AVL9: variants seen among roughly 807,000 people sequenced by gnomAD.
The protein encoded by AVL9 is AVL9 cell migration associated.
A neutral mutation model predicts 79.2 loss-of-function variants in AVL9; 49 were observed. The observed-to-expected ratio is 0.62, with a 90% CI of 0.49 to 0.79. The LOEUF is 0.79. AVL9 is among the 30% of genes least tolerant of loss of function. AVL9 has a pLI of 0.00. For missense variants in AVL9, 682 were observed against 776.8 expected (o/e 0.88, Z 1.45); for synonymous variants, 299 against 280.6 (o/e 1.07, Z -0.65).
intron 1 of AVL9, among the ~76,000 whole-genome samples, chr7:32,516,352 G>C (rs74902075): frequency 9.1e-6 from 1 of 109,992 alleles, no homozygotes; most frequent in African/African-American, 3.2e-5. Context: ...GCATTCTACA[G>C]AGTCTTCTCC....
chr7:32,547,477 C>A (rs892198507), intron 3 of AVL9, among the ~76,000 whole-genome samples: 6 of 152,092 alleles, frequency 3.9e-5, no homozygotes, highest in African/African-American at 1.4e-4. Flanking sequence ...CTTTTATTAC[C>A]CGTATGTCAT....
chr7:32,543,127 C>T lies in AVL9; in HGVS notation c.94-14C>T. On this transcript the variant is annotated splice_polypyrimidine_tract_variant and intron_variant, in intron 1 of 15. Transcript: ENST00000318709. ...GGTCAACCACCTTTTGGCTAACATTCCTTACTATTTTAGGTTGAATTCTCT... is the reference window on the plus strand; with the variant it reads ...GGTCAACCACCTTTTGGCTAACATTTCTTACTATTTTAGGTTGAATTCTCT... The T allele has an allele frequency of 6.2e-7, 1 of 1,612,788 alleles. No homozygotes were observed. Among genetic ancestry groups the T allele is most frequent in the Non-Finnish European group, 8.5e-7 (1 of 1,179,666 alleles).
At chr7:32,564,798 G>A (rs1206917579) in intron 10 of AVL9, among the ~76,000 whole-genome samples, 1 of 152,202 alleles carries the variant, frequency 6.6e-6, no homozygotes, top group East Asian at 1.9e-4. Flanking sequence ...GCTAGAGGCA[G>A]CTGTGGGGTA....
In AVL9 at chr7:32,495,820, C is replaced by A. The variant is rs1187188119; in HGVS notation, c.93+18C>A. 2.4e-6 allele frequency: 3 copies of A among 1,253,296 alleles called. No homozygotes were observed. Among genetic ancestry groups the A allele is most frequent in the Non-Finnish European group, 2.0e-6 (2 of 988,872 alleles). The allele number at this position is 1,253,296 out of a possible 1,614,324, so 77.6% of individuals were successfully genotyped here. ...GCTGCCAGGTGAGGAAAGGGCCCGC[C>A]CCCGCCCCCAGCCGTTCGGGCGTTC... On this transcript the variant is annotated intron_variant, in intron 1 of 15. Transcript: ENST00000318709.
At position 32,551,605 on chromosome 7, in the gene AVL9, C is replaced by CTTTTTTTTTTTTTT. The variant is rs60271681; in HGVS notation, c.462+188_462+201dup. 1.5e-3 allele frequency among the ~76,000 whole-genome samples: 143 copies of CTTTTTTTTTTTTTT among 93,738 alleles called. 18 individuals carry two copies. The highest frequency in any genetic ancestry group is 4.6e-3 in the African/African-American group (105 of 22,870). 61.5% of individuals were successfully genotyped at this position (93,738 alleles called of 152,430 possible). On this transcript the variant is annotated intron_variant, in intron 5 of 15. Transcript: ENST00000318709. ...TGCCCAAATACTAAATTTAACCAAA[C>CTTTTTTTTTTTTTT]TTTTTTTTTTTTTTTTTTTAGGAAA...
chr7:32,583,107 C>CT (rs1456572476), intron 15 of AVL9, among the ~76,000 whole-genome samples: 2 of 152,176 alleles, frequency 1.3e-5, no homozygotes, highest in East Asian at 3.9e-4. Context: ...CTACAACAGT[C>CT]TAACCACTCT....
At chr7:32,562,006 G>A (rs779488203) in intron 10 of AVL9, among the ~76,000 whole-genome samples, 30 of 152,290 alleles carry the variant, frequency 2.0e-4, no homozygotes, top group Non-Finnish European at 1.2e-4. Context: ...CTATGTGGGC[G>A]TGGTTCGTGT....
Position 32,505,447 on chromosome 7 carries a change from C to T in AVL9, c.93+9645C>T, listed in dbSNP as rs192113276. ...CTGAGGCACAAGAATCACTTGAAAC[C>T]GGAAGGCGGAGGTTGCAGTGAGCTG... is the stretch of plus-strand genomic sequence containing the variant. On this transcript the variant is annotated intron_variant, in intron 1 of 15. Coordinates refer to ENST00000318709, the MANE Select transcript of AVL9 (RefSeq NM_015060.3). 2.8e-3 allele frequency among the ~76,000 whole-genome samples: 417 copies of T among 151,614 alleles called. 1 individual carries two copies. The highest frequency in any genetic ancestry group is 9.9e-3 in the African/African-American group (409 of 41,392).
intron 13 of AVL9, among the ~76,000 whole-genome samples, chr7:32,579,493 AC>A (rs1791328251): frequency 2.9e-4 from 1 of 3,450 alleles, no homozygotes; most frequent in Non-Finnish European, 4.3e-4. Context: ...ATAATATATT[AC>A]ATATTATATA....
chr7:32,554,415 C>T, intron 7 of AVL9, 143 bp from the exon 8 acceptor site: 1 of 425,322 alleles, frequency 2.4e-6, no homozygotes, highest in Non-Finnish European at 4.3e-6. Flanking sequence ...TTTAACTTCT[C>T]AGTATAAGTT....
At chr7:32,549,048 C>T (rs1000739460) in intron 4 of AVL9, 130 bp downstream of exon 4, 56 of 490,580 alleles carry the variant, frequency 1.1e-4, no homozygotes, top group Non-Finnish European at 1.7e-4. Flanking sequence ...AGCATCTCCT[C>T]ATTCTCTTTC....
chr7:32,577,161 T>C (rs1791139568), intron 13 of AVL9, among the ~76,000 whole-genome samples: 1 of 148,086 alleles, frequency 6.8e-6, no homozygotes, highest in African/African-American at 2.4e-5. Flanking sequence ...GTGAAAACCC[T>C]GTATCTACTA....
chr7:32,495,692 G>A lies in AVL9; in HGVS notation c.-18G>A. ...CCTTGGCGGTCGAAGTCGTCGTGCG[G>A]GCCCGCGGCGGCCGCCCATGGAGAA... On this transcript the variant is annotated 5_prime_UTR_variant, in exon 1 of 16. Coordinates refer to ENST00000318709, the MANE Select transcript of AVL9 (RefSeq NM_015060.3). The A allele has an allele frequency of 8.0e-7, 1 of 1,254,646 alleles. No homozygotes were observed. The highest frequency in any genetic ancestry group is 1.0e-6 in the Non-Finnish European group (1 of 990,354). The allele number at this position is 1,254,646 out of a possible 1,614,324, so 77.7% of individuals were successfully genotyped here. A position where few individuals can be genotyped will look rare whatever the true frequency, so the allele number is the denominator to read the frequency against.
rs746092705 is a variant in AVL9, at chr7:32,575,988, CT to C, written c.1608del (p.Phe536LeufsTer25). The C allele has an allele frequency of 1.2e-6, 2 of 1,613,890 alleles. No homozygotes were observed. The highest frequency in any genetic ancestry group is 4.5e-5 in the East Asian group (2 of 44,872). ...AAGATATTATCGGACTATGGGACAA[CT>C]TTTGTTACAGCATGGAAGAATACTC... Reference protein sequence around the residue: ...NEKILSDYGTTFVTAWKNTHN... With the variant: ...NEKILSDYGTXFVTAWKNTHN... On this transcript the variant is annotated frameshift_variant, in exon 13 of 16. Coordinates refer to ENST00000318709, the MANE Select transcript of AVL9 (RefSeq NM_015060.3). LOFTEE classifies it high-confidence loss of function.
rs187799910 is a variant in AVL9, at chr7:32,580,407, T to C, written c.1742+135T>C. 1.1e-3 allele frequency: 761 copies of C among 692,500 alleles called. 3 individuals are homozygous for C. Among genetic ancestry groups the C allele is most frequent in the Non-Finnish European group, 1.6e-3 (660 of 403,168 alleles). 42.9% of individuals were successfully genotyped at this position (692,500 alleles called of 1,614,324 possible). ...ATAGTAACCAAATATGTGCATAACA[T>C]TCTTTAGCTCAGCAGTGTGTATGTT... On this transcript the variant is annotated intron_variant, in intron 14 of 15. Transcript: ENST00000318709.
chr7:32,580,921 GGAATCACAACACATCCATTTTCTA>G (rs1791472346), intron 15 of AVL9, 31 bp downstream of exon 15: 1 of 1,517,082 alleles, frequency 6.6e-7, no homozygotes, highest in East Asian at 2.3e-5. Flanking sequence ...GGAACAAATT[GGAATCACAACACATCCATTTTCTA>G]TCTTTAATAT....
At chr7:32,553,619 C>A in intron 6 of AVL9, 108 bp from the exon 7 acceptor site, 4 of 695,062 alleles carry the variant, frequency 5.8e-6, no homozygotes, top group South Asian at 1.8e-5. Flanking sequence ...TTGCATATTC[C>A]TACTTTTTTT....
chr7:32,553,910 T>C (rs961862393), intron 7 of AVL9, 143 bp downstream of exon 7: 2 of 557,476 alleles, frequency 3.6e-6, no homozygotes, highest in Admixed American at 3.0e-5. Context: ...TCTTCTAAGA[T>C]GTACTTGGCC....
intron 1 of AVL9, among the ~76,000 whole-genome samples, chr7:32,512,394 G>C (rs1000763901): frequency 7.7e-6 from 1 of 129,658 alleles, no homozygotes; most frequent in South Asian, 2.7e-4. Flanking sequence ...GATTAGAGAT[G>C]TTACGTTATT....
Sources: allele counts gnomAD v4.1 joint callset (sites outside exome capture counted in the v4.1 genomes callset), GRCh38; gene constraint gnomAD v4.1.1; transcripts MANE v1.5; gene names NCBI Gene and HGNC (gene_info 2026-07-23, HGNC 2026-07-21).